The following PIEZO2 variants were observed in gnomAD, a reference collection of about 807,000 sequenced individuals.
The protein encoded by PIEZO2 is piezo-type mechanosensitive ion channel component 2.
In PIEZO2, 172 loss-of-function variants were observed where a neutral mutation model predicts 337.3. The ratio of observed to expected loss-of-function variants is 0.51; its 90% confidence interval spans 0.45 to 0.58. PIEZO2 has a LOEUF of 0.58. PIEZO2 is among the 20% of genes least tolerant of loss of function. The pLI, the probability that PIEZO2 is intolerant of heterozygous loss-of-function variation, is 0.00. For synonymous variants in PIEZO2, 1,251 were observed against 1,228.5 expected (o/e 1.02, Z -0.38); for missense variants, 3,028 against 3,391.3 (o/e 0.89, Z 2.66).
chr18:10,908,926 T>C (rs948108339), intron 4 of PIEZO2: 1 of 152,240 alleles, frequency 6.6e-6, no homozygotes, highest in Non-Finnish European at 1.5e-5. Context: ...TTTTTTTACC[T>C]GCCAGGTGAT....
intron 5 of PIEZO2, among the ~76,000 whole-genome samples, chr18:10,867,120 T>G (rs2042027084): frequency 6.6e-6 from 1 of 152,208 alleles, no homozygotes; most frequent in African/African-American, 2.4e-5. Context: ...CCGTTCAGCT[T>G]CTTACCATTC....
Position 10,979,461 on chromosome 18 carries a change from G to A in PIEZO2, c.286+74C>T. 1 of 1,274,756 alleles carries A rather than the reference G, an allele frequency of 7.8e-7. No individual in the cohort carries two copies. The allele number at this position is 1,274,756 out of a possible 1,614,324, so 79.0% of individuals were successfully genotyped here. The stretch of plus-strand genomic sequence containing the variant: ...TTGCATAGATTTCTATGTGTGCGAT[G>A]ACACACAGCTTTATTATGCACGTAT... On this transcript the variant is annotated intron_variant, in intron 3 of 55. Coordinates refer to ENST00000674853, the MANE Select transcript of PIEZO2 (RefSeq NM_001378183.1). The surrounding 1 kb of genome is among the most constrained non-coding windows in gnomAD (Gnocchi z 4.0).
intron 3 of PIEZO2, 79 bp from the exon 4 acceptor site, chr18:10,911,307 A>G (rs2030453384): frequency 2.6e-6 from 1 of 378,650 alleles, no homozygotes; most frequent in African/African-American, 2.5e-5. Context: ...CACACGCTAG[A>G]TATTTGGTTT....
chr18:10,742,873 T>G (rs1598424092), intron 31 of PIEZO2, among the ~76,000 whole-genome samples: 1 of 151,986 alleles, frequency 6.6e-6, no homozygotes, highest in African/African-American at 2.4e-5. Flanking sequence ...GTCTTAATAA[T>G]ATGATCAATA....
At chr18:10,812,022 A>G (rs927181777) in intron 7 of PIEZO2, among the ~76,000 whole-genome samples, 1 of 152,058 alleles carries the variant, frequency 6.6e-6, no homozygotes, top group Non-Finnish European at 1.5e-5. Context: ...TTTAGTAGAG[A>G]CGGGGTTTCA....
intron 20 of PIEZO2, among the ~76,000 whole-genome samples, chr18:10,772,817 T>A (rs1415474086): frequency 6.6e-6 from 1 of 152,178 alleles, no homozygotes; most frequent in Non-Finnish European, 1.5e-5. Flanking sequence ...TTATTTCAAG[T>A]CTAGGAAGGG....
At chr18:11,134,346 T>C (rs923999862) in intron 1 of PIEZO2, among the ~76,000 whole-genome samples, 7 of 152,212 alleles carry the variant, frequency 4.6e-5, no homozygotes, top group African/African-American at 1.7e-4. Context: ...TCTCTCTTTT[T>C]GGCCACTTTG....
At position 10,781,479 on chromosome 18, in the gene PIEZO2, A is replaced by C. The variant is rs2038980980; in HGVS notation, c.2493-1113T>G. On this transcript the variant is annotated intron_variant, in intron 17 of 55. Transcript: ENST00000674853. This position sits in a 1 kb window ranked among gnomAD's most constrained non-coding sequence, Gnocchi z 4.1. ...AGCGAGACTCCGTTTCAAATAAAAA[A>C]AAAAACCAGTAATGAATATTTAAAT... Among the ~76,000 whole-genome samples, 1 of 151,928 alleles carries C rather than the reference A, an allele frequency of 6.6e-6. No homozygotes were observed. Among genetic ancestry groups the C allele is most frequent in the Non-Finnish European group, 1.5e-5 (1 of 68,000 alleles).
chr18:11,143,639 A>ACACACTCTCTCT lies in PIEZO2; in HGVS notation c.64+4885_64+4886insAGAGAGAGTGTG, dbSNP rs1473731967. Among the ~76,000 whole-genome samples, 7 of 92,800 alleles carry ACACACTCTCTCT rather than the reference A, an allele frequency of 7.5e-5. No homozygotes were observed. The highest frequency in any genetic ancestry group is 3.7e-4 in the African/African-American group (7 of 18,754). 60.9% of individuals were successfully genotyped at this position (92,800 alleles called of 152,430 possible). Reference sequence around the variant, plus strand: ...CACACACACACACACACACACACACACTCTCTCTCTCTCTCTCTCTCTCTC... The same window carrying ACACACTCTCTCT: ...CACACACACACACACACACACACACACACACTCTCTCTCTCTCTCTCTCTCTCTCTCTCTCTC... On this transcript the variant is annotated intron_variant, in intron 1 of 55. Coordinates refer to ENST00000674853, the MANE Select transcript of PIEZO2 (RefSeq NM_001378183.1). This position sits in a 1 kb window ranked among gnomAD's most constrained non-coding sequence, Gnocchi z 4.9.
chr18:10,974,085 C>G (rs2034345036), intron 3 of PIEZO2, among the ~76,000 whole-genome samples: 1 of 152,136 alleles, frequency 6.6e-6, no homozygotes, highest in Admixed American at 6.5e-5. Flanking sequence ...AGAGTATACA[C>G]AGCAGTGGCT....
intron 17 of PIEZO2, among the ~76,000 whole-genome samples, chr18:10,782,185 T>C (rs1441559764): frequency 2.2e-5 from 3 of 137,844 alleles, no homozygotes; most frequent in Admixed American, 1.6e-4. Context: ...TATATATCAA[T>C]GTACATCATA....
Position 10,711,626 on chromosome 18 carries a change from C to T in PIEZO2, c.5423+3138G>A. Among the ~76,000 whole-genome samples the T allele has an allele frequency of 1.4e-5, 2 of 144,748 alleles. 1 individual carries two copies. Among genetic ancestry groups the T allele is most frequent in the East Asian group, 4.1e-4 (2 of 4,824 alleles). 95.0% of individuals were successfully genotyped at this position (144,748 alleles called of 152,430 possible). A position where few individuals can be genotyped will look rare whatever the true frequency, so the allele number is the denominator to read the frequency against. ...GGGGATTCAGGTAACAAAAAAAAAT[C>T]TCTGTATTACAAAATGAAGCAAGAA... On this transcript the variant is annotated intron_variant, in intron 39 of 55. Coordinates refer to ENST00000674853, the MANE Select transcript of PIEZO2 (RefSeq NM_001378183.1).
At chr18:11,072,189 GTCATCTCCA>G (rs2038367343) in intron 1 of PIEZO2, among the ~76,000 whole-genome samples, 1 of 152,078 alleles carries the variant, frequency 6.6e-6, no homozygotes, top group African/African-American at 2.4e-5. Context: ...TGTTATCTCT[GTCATCTCCA>G]TACCCATTAC....
chr18:10,763,232 T>C (rs2038215985), intron 21 of PIEZO2, 134 bp from the exon 22 acceptor site: 1 of 905,998 alleles, frequency 1.1e-6, no homozygotes, highest in African/African-American at 1.7e-5. Context: ...CGCAAGGAAT[T>C]GCCCTAGGTG....
chr18:10,773,725 A>G lies in PIEZO2; in HGVS notation c.2568-96T>C. The G allele has an allele frequency of 8.4e-7, 1 of 1,190,646 alleles. No individual in the cohort carries two copies. The highest frequency in any genetic ancestry group is 1.2e-6 in the Non-Finnish European group (1 of 839,916). 73.8% of individuals were successfully genotyped at this position (1,190,646 alleles called of 1,614,324 possible). A position where few individuals can be genotyped will look rare whatever the true frequency, so the allele number is the denominator to read the frequency against. On this transcript the variant is annotated intron_variant, in intron 19 of 55. Coordinates refer to ENST00000674853, the MANE Select transcript of PIEZO2 (RefSeq NM_001378183.1). The surrounding 1 kb of genome is among the most constrained non-coding windows in gnomAD (Gnocchi z 5.3). ...AAGGAGGATAAACACAAATGAAATC[A>G]GTGCATGTACAAAGACCTCACAAGG...
Position 10,863,751 on chromosome 18 carries a change from G to T in PIEZO2, c.493-6540C>A, listed in dbSNP as rs1447672943. Among the ~76,000 whole-genome samples, 1 of 152,156 alleles carries T rather than the reference G, an allele frequency of 6.6e-6. No homozygotes were observed. The highest frequency in any genetic ancestry group is 1.5e-5 in the Non-Finnish European group (1 of 68,026). On this transcript the variant is annotated intron_variant, in intron 5 of 55. Coordinates refer to ENST00000674853, the MANE Select transcript of PIEZO2 (RefSeq NM_001378183.1). The surrounding 1 kb of genome is among the most constrained non-coding windows in gnomAD (Gnocchi z 4.3). ...TTTAAGAATCATCTGAACATCATTT[G>T]AAAGGGAAATGAACAATAATGGAGA...
At chr18:11,034,707 C>T (rs2036862676) in intron 2 of PIEZO2, among the ~76,000 whole-genome samples, 1 of 152,096 alleles carries the variant, frequency 6.6e-6, no homozygotes, top group South Asian at 2.1e-4. Context: ...CTCCCAGAGG[C>T]TGGGTGCTGT....
rs565243651 is a variant in PIEZO2, at chr18:11,149,525, G to A, written c.-937C>T. Among the ~76,000 whole-genome samples the A allele has an allele frequency of 6.6e-6, 1 of 151,784 alleles. No homozygotes were observed. Among genetic ancestry groups the A allele is most frequent in the Non-Finnish European group, 1.5e-5 (1 of 67,884 alleles). ...GCCGCCTTGCAGCCTCGCCCTCGCG[G>A]CGCAGCCGGGGCTCCCCGGCGGCGC... On this transcript the variant is annotated 5_prime_UTR_variant, in exon 1 of 56. Transcript: ENST00000674853. The surrounding 1 kb of genome is among the most constrained non-coding windows in gnomAD (Gnocchi z 8.7).
intron 18 of PIEZO2, among the ~76,000 whole-genome samples, chr18:10,776,788 G>A (rs918263503): frequency 6.6e-5 from 10 of 152,092 alleles, no homozygotes; most frequent in African/African-American, 2.4e-4. Flanking sequence ...GGGAAAGCCT[G>A]TGTATTTTAA....
Sources: allele counts gnomAD v4.1 joint callset (sites outside exome capture counted in the v4.1 genomes callset), GRCh38; gene constraint gnomAD v4.1.1; non-coding constraint Gnocchi (gnomAD v3.1); transcripts MANE v1.5; gene names NCBI Gene and HGNC (gene_info 2026-07-23, HGNC 2026-07-21).